DSC2: variants seen among roughly 807,000 people sequenced by gnomAD.
DSC2 encodes desmocollin 2.
Under a neutral mutation model 87.6 loss-of-function variants are expected in DSC2, and 51 were observed. The ratio of observed to expected loss-of-function variants is 0.58; its 90% CI spans 0.46 to 0.74. The LOEUF is 0.74. DSC2 is among the 30% of genes least tolerant of loss of function. DSC2 has a pLI of 0.00. For missense variants in DSC2, 1,066 were observed against 1,089.5 expected (o/e 0.98, Z 0.30); for synonymous variants, 383 against 393.2 (o/e 0.97, Z 0.31).
At chr18:31,068,827 C>G in intron 15 of DSC2, 67 bp downstream of exon 15, 1 of 1,566,192 alleles carries the variant, frequency 6.4e-7, no homozygotes, top group Non-Finnish European at 8.8e-7. Flanking sequence ...TAGTCAGAAT[C>G]CAGTTAGTTA....
intron 15 of DSC2, 181 bp from the exon 16 acceptor site, chr18:31,068,393 TA>T: frequency 6.4e-7 from 1 of 1,561,474 alleles, no homozygotes; most frequent in Non-Finnish European, 8.8e-7. Context: ...CATCACACTA[TA>T]AATTCAGTAT....
Position 31,073,269 on chromosome 18 carries a change from T to C in DSC2, c.1888+1414A>G, listed in dbSNP as rs138811616. Among the ~76,000 whole-genome samples the C allele has an allele frequency of 1.7e-3, 260 of 151,742 alleles. 1 individual carries two copies. Among genetic ancestry groups the C allele is most frequent in the Middle Eastern group, 6.8e-3 (2 of 292 alleles). ...ACTTTCTATCAACACTATTTAAAAA[T>C]TAATATCATGACACCAAATAAGTAG... is the stretch of plus-strand genomic sequence containing the variant. On this transcript the variant is annotated intron_variant, in intron 12 of 15. Transcript: ENST00000280904.
At chr18:31,095,438 T>C (rs1987733215) in intron 1 of DSC2, among the ~76,000 whole-genome samples, 3 of 152,190 alleles carry the variant, frequency 2.0e-5, no homozygotes, top group Admixed American at 2.0e-4. Flanking sequence ...CTGATATTTA[T>C]ACAGAATCAC....
chr18:31,065,001 C>T lies in DSC2; in HGVS notation c.*3014G>A, dbSNP rs1277309893. ...ACACACACTGCATGGAACAGAAGAT[C>T]TTGCTGCTTTTCATTTGCTGAAGAA... On this transcript the variant is annotated 3_prime_UTR_variant, in exon 16 of 16. Transcript: ENST00000280904. The T allele has an allele frequency of 9.9e-5, 15 of 152,202 alleles. No homozygotes were observed. The highest frequency in any genetic ancestry group is 9.8e-4 in the Admixed American group (15 of 15,264). 9.4% of individuals were successfully genotyped at this position (152,202 alleles called of 1,614,324 possible).
chr18:31,061,087 C>A lies in DSC2; in HGVS notation c.*6928G>T, dbSNP rs1986492174. 1 of 152,176 alleles carries A rather than the reference C, an allele frequency of 6.6e-6. No homozygotes were observed. The highest frequency in any genetic ancestry group is 1.5e-5 in the Non-Finnish European group (1 of 68,030). The allele number at this position is 152,176 out of a possible 1,614,324, so 9.4% of individuals were successfully genotyped here. A position where few individuals can be genotyped will look rare whatever the true frequency, so the allele number is the denominator to read the frequency against. ...GGCTTCTATACTTTTCCCCTACTAG[C>A]CTGTTACTCCTGTGACTGATTCATG... is the stretch of plus-strand genomic sequence containing the variant. On this transcript the variant is annotated 3_prime_UTR_variant, in exon 16 of 16. Coordinates refer to ENST00000280904, the MANE Select transcript of DSC2 (RefSeq NM_024422.6).
intron 4 of DSC2, among the ~76,000 whole-genome samples, chr18:31,090,822 G>A (rs772159083): frequency 1.3e-5 from 2 of 152,192 alleles, no homozygotes; most frequent in Non-Finnish European, 2.9e-5. Flanking sequence ...GAGTGCCACA[G>A]TTTTATGCTT....
intron 11 of DSC2, among the ~76,000 whole-genome samples, chr18:31,079,336 C>A (rs531245070): frequency 1.1e-4 from 16 of 152,268 alleles, no homozygotes; most frequent in African/African-American, 3.9e-4. Flanking sequence ...TAACTGCAAC[C>A]TCCACCTCCT....
chr18:31,101,206 T>C (rs1339066667), intron 1 of DSC2: 3 of 984,368 alleles, frequency 3.0e-6, no homozygotes, highest in African/African-American at 1.8e-5. Context: ...CCACTGAAAC[T>C]GTACAAATGC....
intron 2 of DSC2, 41 bp downstream of exon 2, chr18:31,093,517 AC>A (rs1422992074): frequency 6.7e-7 from 1 of 1,497,964 alleles, no homozygotes; most frequent in South Asian, 1.1e-5. Flanking sequence ...TATATGTACC[AC>A]AGCAAAACAG....
intron 7 of DSC2, among the ~76,000 whole-genome samples, chr18:31,084,040 A>G (rs1987317691): frequency 6.6e-6 from 1 of 152,090 alleles, no homozygotes; most frequent in African/African-American, 2.4e-5. Flanking sequence ...TTCCTACCTA[A>G]TTTATCTCTT....
chr18:31,060,437 C>T lies in DSC2; in HGVS notation c.*7578G>A, dbSNP rs528358543. ...GAACACTCCTTAAGCTGAAAAGTCT[C>T]GTCTCTACCCTCATCTCCCATCCCT... On this transcript the variant is annotated 3_prime_UTR_variant, in exon 16 of 16. Coordinates refer to ENST00000280904, the MANE Select transcript of DSC2 (RefSeq NM_024422.6). 7.9e-5 allele frequency: 12 copies of T among 152,166 alleles called. No individual in the cohort carries two copies. Among genetic ancestry groups the T allele is most frequent in the African/African-American group, 2.7e-4 (11 of 41,506 alleles). The allele number at this position is 152,166 out of a possible 1,614,324, so 9.4% of individuals were successfully genotyped here. A position where few individuals can be genotyped will look rare whatever the true frequency, so the allele number is the denominator to read the frequency against.
rs777845049 is a variant in DSC2 at position 31,066,543 on chromosome 18, A to G, written c.*1472T>C. The G allele has an allele frequency of 1.3e-5, 2 of 152,164 alleles. No homozygotes were observed. Among genetic ancestry groups the G allele is most frequent in the East Asian group, 1.9e-4 (1 of 5,198 alleles). The allele number at this position is 152,164 out of a possible 1,614,324, so 9.4% of individuals were successfully genotyped here. A position where few individuals can be genotyped will look rare whatever the true frequency, so the allele number is the denominator to read the frequency against. The stretch of plus-strand genomic sequence containing the variant: ...TCTGGCAAATAATTGTTATAACCCA[A>G]TCTTGTGAATTGAAGACAGGCACAT... On this transcript the variant is annotated 3_prime_UTR_variant, in exon 16 of 16. Transcript: ENST00000280904.
At chr18:31,086,819 C>G in intron 6 of DSC2, 77 bp from the exon 7 acceptor site, 1 of 1,524,686 alleles carries the variant, frequency 6.6e-7, no homozygotes, top group Non-Finnish European at 8.9e-7. Context: ...CCTTTTCACC[C>G]ACCTCAAAAA....
In DSC2 at chr18:31,062,162, C is replaced by T. The variant is rs1193958160; in HGVS notation, c.*5853G>A. The T allele has an allele frequency of 2.6e-5, 4 of 152,170 alleles. No homozygotes were observed. The highest frequency in any genetic ancestry group is 4.1e-4 in the South Asian group (2 of 4,828). The allele number at this position is 152,170 out of a possible 1,614,324, so 9.4% of individuals were successfully genotyped here. Reference sequence around the variant, plus strand: ...TCTTCTCTCAGGGCACACATGAGCACGGTGGTTTCCTGTTACAGAATGTTC... The same window carrying T: ...TCTTCTCTCAGGGCACACATGAGCATGGTGGTTTCCTGTTACAGAATGTTC... On this transcript the variant is annotated 3_prime_UTR_variant, in exon 16 of 16. Coordinates refer to ENST00000280904, the MANE Select transcript of DSC2 (RefSeq NM_024422.6).
At position 31,082,266 on chromosome 18, in the gene DSC2, GT is replaced by G; in HGVS notation, c.1234del (p.Thr412ProfsTer8). 1.2e-6 allele frequency: 2 copies of G among 1,613,184 alleles called. No individual in the cohort carries two copies. The highest frequency in any genetic ancestry group is 8.5e-7 in the Non-Finnish European group (1 of 1,179,750). On this transcript the variant is annotated frameshift_variant, in exon 9 of 16. Transcript: ENST00000280904. LOFTEE classifies it high-confidence loss of function. ...AACTACACAAAGAACTCCTTCATTGGTTTTGGCATCTGTTACAATTTTAAAA... is the reference window on the plus strand; with the variant it reads ...AACTACACAAAGAACTCCTTCATTGGTTTGGCATCTGTTACAATTTTAAAA... ...GNFKIVTDAK[T>X]NEGVLCVVKP...
rs1374740144 is a variant in DSC2 at position 31,086,590 on chromosome 18, G to C, written c.928C>G (p.Gln310Glu). Residue 310 changes from glutamine to glutamate, a missense_variant, in exon 7 of 16, where the codon CAG (glutamine) becomes GAG (glutamate). Transcript: ENST00000280904. ...TTGVITTTSS[Q>E]LDRELIDKYQ... ...GTTTATGTTACCTCTCTGTCTAGCT[G>C]AGATGATGTTGTGGTGATCACGCCT... 1.9e-6 allele frequency: 3 copies of C among 1,614,008 alleles called. No homozygotes were observed. Among genetic ancestry groups the C allele is most frequent in the Admixed American group, 1.7e-5 (1 of 60,010 alleles).
intron 9 of DSC2, among the ~76,000 whole-genome samples, chr18:31,081,249 T>C (rs1408049540): frequency 6.6e-6 from 1 of 152,206 alleles, no homozygotes; most frequent in Non-Finnish European, 1.5e-5. Context: ...ATGGGCATCA[T>C]ATTTTCTTTT....
chr18:31,087,817 T>C lies in DSC2; in HGVS notation c.631-4A>G. ...GAGTTGTTGCAAAGGCAATTATCTG[T>C]GAAGAGAGTAAAATAAGGAGAAAAG... On this transcript the variant is annotated splice_polypyrimidine_tract_variant and splice_region_variant and intron_variant, in intron 5 of 15. Coordinates refer to ENST00000280904, the MANE Select transcript of DSC2 (RefSeq NM_024422.6). The C allele has an allele frequency of 6.2e-7, 1 of 1,613,542 alleles. No individual in the cohort carries two copies. Among genetic ancestry groups the C allele is most frequent in the Non-Finnish European group, 8.5e-7 (1 of 1,179,666 alleles).
At chr18:31,085,836 T>A (rs560220508) in intron 7 of DSC2, among the ~76,000 whole-genome samples, 1 of 152,202 alleles carries the variant, frequency 6.6e-6, no homozygotes, top group South Asian at 2.1e-4. Flanking sequence ...AGATGAATAA[T>A]GCTTCAGGGA....
Sources: gnomAD v4.1 joint callset for allele counts (sites outside exome capture counted in the v4.1 genomes callset) on GRCh38, gnomAD v4.1.1 for gene constraint, MANE v1.5 for transcripts, NCBI Gene and HGNC (gene_info 2026-07-23, HGNC 2026-07-21) for gene names.